The following TENM3 variants were observed in gnomAD, a reference collection of about 807,000 sequenced individuals.
The protein encoded by TENM3 is teneurin-3.
In TENM3, 63 loss-of-function variants were observed where a neutral mutation model predicts 255.1. That is an observed-to-expected ratio of 0.25 (90% confidence interval 0.20 to 0.30). TENM3 has a LOEUF of 0.30. Among genes scored for constraint, TENM3 ranks in the 10% least tolerant of loss-of-function variants. The probability of loss-of-function intolerance (pLI) is 1.00; values close to 1 mark genes in which losing one functional copy is unlikely to be tolerated. For missense variants in TENM3, 2,929 were observed against 3,461.1 expected (o/e 0.85, Z 3.86); for synonymous variants, 1,306 against 1,322.3 (o/e 0.99, Z 0.27).
intron 6 of TENM3, among the ~76,000 whole-genome samples, chr4:182,662,507 T>C (rs1420444989): frequency 6.6e-6 from 1 of 152,180 alleles, no homozygotes; most frequent in African/African-American, 2.4e-5. Context: ...CCTGTCTCTA[T>C]TTTTTCCTCC....
Position 182,792,620 on chromosome 4 carries a change from A to G in TENM3, c.5948A>G (p.Gln1983Arg). Residue 1983 changes from glutamine to arginine, a missense_variant, in exon 26 of 28, where the codon CAG (glutamine) becomes CGG (arginine). By Grantham distance (43) the Gln-to-Arg change is conservative. This residue lies in a region of TENM3 where 303 missense variants were observed against 425.2 expected (regional missense o/e 0.71). Coordinates refer to ENST00000511685, the MANE Select transcript of TENM3 (RefSeq NM_001080477.4). This position sits in a 1 kb window ranked among gnomAD's most constrained non-coding sequence, Gnocchi z 6.3. ...TAGVLKTVNL[Q>R]SDGFICTIRY... Reference sequence around the variant, plus strand: ...GGAGTCCTAAAGACAGTAAACCTCCAGAGTGATGGTTTTATTTGCACCATT... The same window carrying G: ...GGAGTCCTAAAGACAGTAAACCTCCGGAGTGATGGTTTTATTTGCACCATT... The G allele has an allele frequency of 6.2e-7, 1 of 1,614,006 alleles. No individual in the cohort carries two copies. The highest frequency in any genetic ancestry group is 1.1e-5 in the South Asian group (1 of 91,076).
At chr4:181,972,033 T>G in the TENM3 span, among the ~76,000 whole-genome samples, 6 of 152,014 alleles carry the variant, frequency 3.9e-5, no homozygotes, top group African/African-American at 1.2e-4. Context: ...TTTTTTTTTT[T>G]TCTCTTCATG....
chr4:181,911,660 G>T, the TENM3 span, among the ~76,000 whole-genome samples: 1 of 152,094 alleles, frequency 6.6e-6, no homozygotes, highest in East Asian at 1.9e-4. Context: ...GGAAGTTTTT[G>T]TGATGTTTAG....
At chr4:182,025,889 A>G in the TENM3 span, among the ~76,000 whole-genome samples, 1 of 152,142 alleles carries the variant, frequency 6.6e-6, no homozygotes. Flanking sequence ...GGTTTGTTAC[A>G]TAGGTAGACA....
At chr4:182,343,825 G>A (rs879828627) in intron 2 of TENM3, among the ~76,000 whole-genome samples, 1 of 152,130 alleles carries the variant, frequency 6.6e-6, no homozygotes, top group African/African-American at 2.4e-5. Context: ...ATCTTTCCAG[G>A]GGTGTTTGCA....
chr4:182,200,155 G>A (rs371366089), intron 1 of TENM3, among the ~76,000 whole-genome samples: 1 of 152,224 alleles, frequency 6.6e-6, no homozygotes, highest in African/African-American at 2.4e-5. Flanking sequence ...TGATACATAG[G>A]GGGCGGAACA....
the TENM3 span, among the ~76,000 whole-genome samples, chr4:181,902,398 G>C: frequency 6.6e-6 from 1 of 152,072 alleles, no homozygotes; most frequent in Non-Finnish European, 1.5e-5. Context: ...TGTTGTAATT[G>C]CTTTTGGTGT....
At chr4:182,642,686 G>A (rs570451906) in intron 5 of TENM3, among the ~76,000 whole-genome samples, 130 of 152,192 alleles carry the variant, frequency 8.5e-4, no homozygotes, top group African/African-American at 3.0e-3. Flanking sequence ...AAACCTGTTC[G>A]TTCATAAAGC....
intron 2 of TENM3, among the ~76,000 whole-genome samples, chr4:182,328,446 C>A (rs1035770411): frequency 5.9e-5 from 9 of 151,932 alleles, no homozygotes; most frequent in African/African-American, 1.9e-4. Context: ...GAACTCCTGA[C>A]CTCAGGTGAT....
the TENM3 span, among the ~76,000 whole-genome samples, chr4:182,032,720 A>G: frequency 1.3e-5 from 2 of 152,094 alleles, no homozygotes; most frequent in African/African-American, 2.4e-5. Context: ...TTACTGCCTC[A>G]ATTTGATAAC....
At chr4:181,685,602 T>C in the TENM3 span, among the ~76,000 whole-genome samples, 13 of 152,136 alleles carry the variant, frequency 8.5e-5, no homozygotes, top group African/African-American at 2.9e-4. Flanking sequence ...CCAGAGAGCA[T>C]TGCGTGAAAA....
At chr4:181,839,998 C>T in the TENM3 span, among the ~76,000 whole-genome samples, 1 of 152,030 alleles carries the variant, frequency 6.6e-6, no homozygotes, top group Admixed American at 6.6e-5. Flanking sequence ...CTGTCTCTTC[C>T]TCTTCTTCTG....
chr4:182,376,526 A>G (rs1188615922), intron 3 of TENM3, among the ~76,000 whole-genome samples: 3 of 152,220 alleles, frequency 2.0e-5, no homozygotes, highest in African/African-American at 7.2e-5. Context: ...TCAAGTTTAA[A>G]TATCATTTAA....
At chr4:181,946,461 G>C in the TENM3 span, among the ~76,000 whole-genome samples, 6 of 152,056 alleles carry the variant, frequency 3.9e-5, no homozygotes, top group Admixed American at 2.6e-4. Flanking sequence ...CACCCTCCCA[G>C]AGCCCCTGAA....
chr4:181,860,287 CT>C, the TENM3 span, among the ~76,000 whole-genome samples: 61 of 152,268 alleles, frequency 4.0e-4, no homozygotes, highest in African/African-American at 1.3e-3. Context: ...GCTTAATTTA[CT>C]TTGGTTTGAT....
At chr4:182,392,685 G>GAA (rs35787217) in intron 3 of TENM3, among the ~76,000 whole-genome samples, 33,074 of 151,982 alleles carry the variant, frequency 0.22, 4,264 homozygotes, top group Middle Eastern at 0.32. Context: ...GGCGGGGGTG[G>GAA]AAACAGAGAA....
the TENM3 span, among the ~76,000 whole-genome samples, chr4:182,122,008 A>G: frequency 6.6e-6 from 1 of 152,230 alleles, no homozygotes; most frequent in Non-Finnish European, 1.5e-5. Context: ...CATTTTGACA[A>G]TGTTCACAAC....
chr4:181,662,625 T>A, the TENM3 span, among the ~76,000 whole-genome samples: 3 of 152,208 alleles, frequency 2.0e-5, no homozygotes, highest in Non-Finnish European at 2.9e-5. Context: ...GTATGCCTTC[T>A]ACTGAATAAT....
At chr4:182,728,575 G>A (rs895208956) in intron 13 of TENM3, among the ~76,000 whole-genome samples, 8 of 152,160 alleles carry the variant, frequency 5.3e-5, no homozygotes, top group Non-Finnish European at 2.9e-5. Flanking sequence ...TCATGGTAGA[G>A]CATCATGGCA....
Sources: gnomAD v4.1 joint callset for allele counts (sites outside exome capture counted in the v4.1 genomes callset) on GRCh38, gnomAD v4.1.1 for gene constraint, gnomAD v4.1.1 regional missense constraint, Gnocchi (gnomAD v3.1) non-coding constraint, MANE v1.5 for transcripts, NCBI Gene and HGNC (gene_info 2026-07-23, HGNC 2026-07-21) for gene names.